Variants in DIAPH3 observed in about 807,000 individuals in gnomAD.
DIAPH3 encodes the protein protein diaphanous homolog 3.
A neutral mutation model predicts 144.3 loss-of-function variants in DIAPH3; 117 were observed. That is an observed-to-expected ratio of 0.81 (90% CI 0.70 to 0.95). The LOEUF (loss-of-function observed/expected upper bound fraction) is 0.95, where lower values mean the gene tolerates loss of function less well. Among genes scored for constraint, DIAPH3 ranks in the 40% least tolerant of loss-of-function variants. The pLI is 0.00. For missense variants in DIAPH3, 1,421 were observed against 1,412.7 expected (o/e 1.01, Z -0.09); for synonymous variants, 519 against 488.9 (o/e 1.06, Z -0.81).
chr13:59,861,698 C>A (rs2139932974), intron 21 of DIAPH3, among the ~76,000 whole-genome samples, 162 bp from the exon 22 acceptor site: 1 of 152,242 alleles, frequency 6.6e-6, no homozygotes, highest in South Asian at 2.1e-4. Context: ...CGAAAAACTA[C>A]TTTTGACTTG....
intron 20 of DIAPH3, among the ~76,000 whole-genome samples, chr13:59,885,909 C>T (rs2045415139): frequency 6.6e-6 from 1 of 152,018 alleles, no homozygotes; most frequent in Admixed American, 6.6e-5. Context: ...GACTTCTGGA[C>T]CCCAGAAATG....
At chr13:59,676,226 C>G (rs372035591) in intron 27 of DIAPH3, among the ~76,000 whole-genome samples, 3 of 152,212 alleles carry the variant, frequency 2.0e-5, no homozygotes, top group African/African-American at 7.2e-5. Flanking sequence ...TATCAAGTAG[C>G]TATCCAGACT....
At chr13:59,987,477 AAAAAAAAAAAAAG>A (rs1438123355) in intron 12 of DIAPH3, among the ~76,000 whole-genome samples, 24 of 105,468 alleles carry the variant, frequency 2.3e-4, no homozygotes, top group African/African-American at 7.2e-4. Flanking sequence ...AAGTATAATA[AAAAAAAAAAAAAG>A]AAAAAAAAAA....
chr13:60,104,372 CATTAAA>C (rs902999303), intron 3 of DIAPH3, among the ~76,000 whole-genome samples: 1 of 151,886 alleles, frequency 6.6e-6, no homozygotes, highest in Non-Finnish European at 1.5e-5. Context: ...ACTCAATTCC[CATTAAA>C]ATTAAAAGAA....
intron 24 of DIAPH3, among the ~76,000 whole-genome samples, chr13:59,828,558 A>C (rs759283120): frequency 6.7e-6 from 1 of 149,210 alleles, no homozygotes; most frequent in African/African-American, 2.5e-5. Flanking sequence ...AGCCCTACCA[A>C]CTCTGAAGCT....
intron 15 of DIAPH3, among the ~76,000 whole-genome samples, chr13:59,972,778 G>C (rs1192415196): frequency 1.3e-5 from 2 of 152,128 alleles, no homozygotes; most frequent in African/African-American, 2.4e-5. Flanking sequence ...TTAAAGATAT[G>C]GTTTGGGAGG....
intron 27 of DIAPH3, among the ~76,000 whole-genome samples, chr13:59,718,705 G>A (rs756377999): frequency 7.2e-5 from 11 of 151,874 alleles, no homozygotes; most frequent in Non-Finnish European, 1.0e-4. Flanking sequence ...GTGGAATGTT[G>A]AAAAAGGAAA....
intron 25 of DIAPH3, among the ~76,000 whole-genome samples, chr13:59,787,008 G>A (rs2039067964): frequency 6.6e-6 from 1 of 152,112 alleles, no homozygotes; most frequent in East Asian, 1.9e-4. Context: ...GGGTGACGTG[G>A]GGGGATCACT....
chr13:59,749,317 G>A (rs967308513), intron 27 of DIAPH3, among the ~76,000 whole-genome samples: 6 of 149,280 alleles, frequency 4.0e-5, no homozygotes, highest in Non-Finnish European at 8.9e-5. Context: ...TCAGGAGATC[G>A]AGACCATCCT....
At chr13:59,686,853 T>C (rs2033242484) in intron 27 of DIAPH3, among the ~76,000 whole-genome samples, 2 of 152,082 alleles carry the variant, frequency 1.3e-5, no homozygotes, top group African/African-American at 4.8e-5. Context: ...TGAAGTAGAA[T>C]AGAGCACTAG....
intron 21 of DIAPH3, among the ~76,000 whole-genome samples, chr13:59,865,604 C>A (rs749478961): frequency 6.6e-6 from 1 of 151,934 alleles, no homozygotes; most frequent in Non-Finnish European, 1.5e-5. Context: ...TTTAACGTGG[C>A]ATAAATGTCA....
chr13:60,024,144 C>T (rs928719562), intron 5 of DIAPH3, among the ~76,000 whole-genome samples: 4 of 152,228 alleles, frequency 2.6e-5, no homozygotes, highest in Admixed American at 6.5e-5. Context: ...CATGAGCCAC[C>T]GTGCCCACCC....
intron 3 of DIAPH3, among the ~76,000 whole-genome samples, chr13:60,105,001 C>G (rs2058370300): frequency 6.8e-6 from 1 of 147,626 alleles, no homozygotes; most frequent in African/African-American, 2.5e-5. Context: ...GAGGCTGAGG[C>G]AGGAGAACGG....
intron 7 of DIAPH3, among the ~76,000 whole-genome samples, chr13:60,011,516 A>G (rs1274602607): frequency 6.6e-6 from 1 of 152,226 alleles, no homozygotes; most frequent in Non-Finnish European, 1.5e-5. Flanking sequence ...CCATTTCAAC[A>G]TATAACCAAT....
chr13:59,806,044 G>A (rs1344891527), intron 25 of DIAPH3, among the ~76,000 whole-genome samples: 1 of 151,918 alleles, frequency 6.6e-6, no homozygotes, highest in Non-Finnish European at 1.5e-5. Flanking sequence ...TTATTTGCAT[G>A]GAGAAAATAC....
intron 5 of DIAPH3, among the ~76,000 whole-genome samples, chr13:60,024,939 T>A (rs2054278412): frequency 6.6e-6 from 1 of 152,252 alleles, no homozygotes; most frequent in South Asian, 2.1e-4. Context: ...AAGGGGGATG[T>A]GGACGTCTGT....
At position 59,774,784 on chromosome 13, in the gene DIAPH3, G is replaced by A; in HGVS notation, c.3203C>T (p.Ala1068Val). The stretch of plus-strand genomic sequence containing the variant: ...GCGGAAGGCAGCCCCGGACTGCAAG[G>A]CCTCCAGCAGATTATCCATCACTCC... ...ETGVMDNLLE[A>V]LQSGAAFRDR... Residue 1068 changes from alanine (A) to valine (V), a missense_variant, in exon 26 of 28, where the codon GCC becomes GTC. Ala to Val is a moderately conservative substitution (Grantham distance 64, BLOSUM62 0). Coordinates refer to ENST00000400324, the MANE Select transcript of DIAPH3 (RefSeq NM_001042517.2). 1 of 1,614,126 alleles carries A rather than the reference G, an allele frequency of 6.2e-7. No individual in the cohort carries two copies. Among genetic ancestry groups the A allele is most frequent in the Non-Finnish European group, 8.5e-7 (1 of 1,180,018 alleles).
At position 59,895,550 on chromosome 13, in the gene DIAPH3, C is replaced by T. The variant is rs544175752; in HGVS notation, c.2368-16082G>A. 6.1e-4 allele frequency among the ~76,000 whole-genome samples: 92 copies of T among 151,424 alleles called. No homozygotes were observed. In the South Asian group the frequency reaches 0.018, roughly 29 times the overall value. On this transcript the variant is annotated intron_variant, in intron 20 of 27. Coordinates refer to ENST00000400324, the MANE Select transcript of DIAPH3 (RefSeq NM_001042517.2). The stretch of plus-strand genomic sequence containing the variant: ...ATACAAAATAAAAATATAAGAAAAG[C>T]GAAAAAGGGAAGAAAAATCAACTCA...
chr13:59,716,775 C>T (rs949337787), intron 27 of DIAPH3, among the ~76,000 whole-genome samples: 3 of 152,108 alleles, frequency 2.0e-5, no homozygotes, highest in Non-Finnish European at 2.9e-5. Flanking sequence ...TCCCTTAATA[C>T]ATATAATGGG....
Sources: allele counts gnomAD v4.1 joint callset (sites outside exome capture counted in the v4.1 genomes callset), GRCh38; gene constraint gnomAD v4.1.1; transcripts MANE v1.5; gene names NCBI Gene and HGNC (gene_info 2026-07-23, HGNC 2026-07-21).